Variants in GEMIN5 observed in about 807,000 individuals in gnomAD.
GEMIN5 encodes gem-associated protein 5.
In GEMIN5, 124 loss-of-function variants were observed where a neutral mutation model predicts 176.9. The observed-to-expected ratio is 0.70, with a 90% CI of 0.61 to 0.81. GEMIN5 has a LOEUF of 0.81. Among genes scored for constraint, GEMIN5 ranks in the 40% least tolerant of loss-of-function variants. GEMIN5 has a pLI of 0.00. For missense variants in GEMIN5, 1,843 were observed against 1,814.6 expected, an observed-to-expected ratio of 1.02 and a Z score of -0.28; for synonymous variants, 673 against 665.2, an observed-to-expected ratio of 1.01 and a Z score of -0.18.
intron 27 of GEMIN5, among the ~76,000 whole-genome samples, chr5:154,888,582 C>T (rs774680440): frequency 7.2e-5 from 11 of 152,150 alleles, no homozygotes; most frequent in Admixed American, 5.9e-4. Context: ...ATGGCTACTG[C>T]GATGTCCTTC....
chr5:154,889,371 T>G lies in GEMIN5; in HGVS notation c.4309A>C (p.Arg1437=), dbSNP rs760617888. ...ATTCTCTGATTTGCCTCGGTAAGCC[T>G]TTTGGTTAACTCAGGCAGAGAAAGT... is the stretch of plus-strand genomic sequence containing the variant. ...EPLSLPELTK[R]LTEANQRMAK... The change falls in exon 27 of 28, where the codon AGG becomes CGG. Residue 1437 remains arginine, a synonymous_variant. Coordinates refer to ENST00000285873, the MANE Select transcript of GEMIN5 (RefSeq NM_015465.5). 6.2e-7 allele frequency: 1 copy of G among 1,609,610 alleles called. No homozygotes were observed. The highest frequency in any genetic ancestry group is 1.7e-5 in the Admixed American group (1 of 59,994).
intron 3 of GEMIN5, among the ~76,000 whole-genome samples, chr5:154,932,813 C>T (rs1010148433): frequency 1.3e-5 from 2 of 152,304 alleles, no homozygotes; most frequent in South Asian, 2.1e-4. Context: ...AATCTACCTG[C>T]GTTGGCCTCC....
At chr5:154,924,440 C>G in intron 9 of GEMIN5, 29 bp downstream of exon 9, 1 of 1,447,822 alleles carries the variant, frequency 6.9e-7, no homozygotes, top group Non-Finnish European at 9.7e-7. Flanking sequence ...CCCCGGGCCA[C>G]AATGGAAGAA....
At chr5:154,918,871 C>T (rs1763863985) in intron 11 of GEMIN5, among the ~76,000 whole-genome samples, 1 of 151,936 alleles carries the variant, frequency 6.6e-6, no homozygotes, top group Non-Finnish European at 1.5e-5. Context: ...TGGTGAAACC[C>T]TGTCTCTACT....
At chr5:154,925,063 C>G (rs917981602) in intron 8 of GEMIN5, among the ~76,000 whole-genome samples, 2 of 152,076 alleles carry the variant, frequency 1.3e-5, no homozygotes, top group African/African-American at 4.8e-5. Flanking sequence ...AAAAAACCGA[C>G]TGCAGATGTT....
intron 9 of GEMIN5, among the ~76,000 whole-genome samples, chr5:154,923,565 G>A (rs556898728): frequency 6.6e-6 from 1 of 152,202 alleles, no homozygotes; most frequent in Non-Finnish European, 1.5e-5. Flanking sequence ...GTAAACAAAG[G>A]AGTGCAGCCA....
In GEMIN5 at chr5:154,927,467, T is replaced by C. The variant is rs749935126; in HGVS notation, c.998A>G (p.His333Arg). The C allele has an allele frequency of 7.5e-6, 12 of 1,605,908 alleles. No homozygotes were observed. Among genetic ancestry groups the C allele is most frequent in the East Asian group, 2.2e-5 (1 of 44,850 alleles). The change falls in exon 7 of 28, where the codon CAT becomes CGT. Residue 333 changes from histidine (H) to arginine (R), a missense_variant. Transcript: ENST00000285873. Reference protein sequence around the residue: ...LFSASSEGQNHSRIVFNLCPL... With the variant: ...LFSASSEGQNRSRIVFNLCPL... ...ACATAAATTAAACACAATTCTTGAA[T>C]GATTTTGCCCTTCTGATGAGGCACT...
intron 2 of GEMIN5, 72 bp from the exon 3 acceptor site, chr5:154,936,094 C>A: frequency 1.1e-6 from 1 of 938,538 alleles, no homozygotes; most frequent in Non-Finnish European, 1.6e-6. Flanking sequence ...GTATCACAAA[C>A]CAGCATAATG....
intron 5 of GEMIN5, among the ~76,000 whole-genome samples, chr5:154,928,952 G>A (rs566392576): frequency 2.1e-4 from 32 of 151,542 alleles, no homozygotes; most frequent in Non-Finnish European, 4.0e-4. Context: ...GGCCGGGCGC[G>A]GTGGCTCATG....
intron 3 of GEMIN5, among the ~76,000 whole-genome samples, chr5:154,932,861 G>T (rs555787851): frequency 1.3e-5 from 2 of 152,136 alleles, no homozygotes; most frequent in South Asian, 2.1e-4. Flanking sequence ...CACCACACCC[G>T]GCCAACTCTT....
chr5:154,911,476 A>G (rs769975196), intron 15 of GEMIN5, among the ~76,000 whole-genome samples: 2 of 152,138 alleles, frequency 1.3e-5, no homozygotes, highest in African/African-American at 2.4e-5. Flanking sequence ...TCACGCCACT[A>G]CATTCCAGTC....
chr5:154,912,951 C>T lies in GEMIN5; in HGVS notation c.1943G>A (p.Ser648Asn). The change falls in exon 14 of 28, where the codon AGC becomes AAC. Residue 648 changes from serine (S) to asparagine (N), a missense_variant. Transcript: ENST00000285873. ...TACCAGCCTTCCATCATGATGTGGG[C>T]TCCACGCCACACTGGTAATCTTGGC... is the stretch of plus-strand genomic sequence containing the variant. The part of the protein sequence containing the change: ...HTAKITSVAW[S>N]PHHDGRLVSA... 1 of 1,613,832 alleles carries T rather than the reference C, an allele frequency of 6.2e-7. No individual in the cohort carries two copies. Among genetic ancestry groups the T allele is most frequent in the Non-Finnish European group, 8.5e-7 (1 of 1,179,714 alleles).
In GEMIN5 at chr5:154,916,486, AT is replaced by A. The variant is rs894789265; in HGVS notation, c.1855+511del. The stretch of plus-strand genomic sequence containing the variant: ...TGATGAAATTTTAGGGGAAAACTTC[AT>A]TTTTTTTTCTTTCTTTTTTGAGATA... On this transcript the variant is annotated intron_variant, in intron 13 of 27. Transcript: ENST00000285873. Among the ~76,000 whole-genome samples, 7 of 150,988 alleles carry A rather than the reference AT, an allele frequency of 4.6e-5. No individual in the cohort carries two copies. In the East Asian group the frequency reaches 1.2e-3, roughly 25 times the overall value.
rs77128270 is a variant in GEMIN5, at chr5:154,937,594, T to C, written c.166+374A>G. ...AACCCATTCATCTTACAGTAAGGAA[T>C]GCCACACGTTGCAGGATCTTGCTTA... On this transcript the variant is annotated intron_variant, in intron 1 of 27. Transcript: ENST00000285873. 5.0e-3 allele frequency among the ~76,000 whole-genome samples: 764 copies of C among 152,366 alleles called. 3 individuals are homozygous for C. Among genetic ancestry groups the C allele is most frequent in the African/African-American group, 0.017 (718 of 41,590 alleles).
At chr5:154,913,915 G>A (rs1041451837) in intron 13 of GEMIN5, among the ~76,000 whole-genome samples, 10 of 152,150 alleles carry the variant, frequency 6.6e-5, no homozygotes, top group East Asian at 1.9e-4. Flanking sequence ...GTGGGAGGAC[G>A]GCTTGAGTCC....
chr5:154,913,061 C>T (rs1368908076), intron 13 of GEMIN5, 23 bp from the exon 14 acceptor site: 2 of 1,586,104 alleles, frequency 1.3e-6, no homozygotes, highest in Non-Finnish European at 1.7e-6. Flanking sequence ...GGAAAGACAT[C>T]ACTGCTGCTA....
chr5:154,902,813 G>C (rs1461592263), intron 19 of GEMIN5, 137 bp from the exon 20 acceptor site: 6 of 865,030 alleles, frequency 6.9e-6, no homozygotes, highest in Non-Finnish European at 1.1e-5. Flanking sequence ...TCACCTACCA[G>C]AGTGATTACA....
At position 154,899,175 on chromosome 5, in the gene GEMIN5, C is replaced by T. The variant is rs1763415258; in HGVS notation, c.3134+16G>A. On this transcript the variant is annotated intron_variant, in intron 22 of 27. Coordinates refer to ENST00000285873, the MANE Select transcript of GEMIN5 (RefSeq NM_015465.5). Reference sequence around the variant, plus strand: ...CTCTCCTATGTTGGAAGCATCCCTCCACTCCTCAGGCTTACCATTTGGCAG... The same window carrying T: ...CTCTCCTATGTTGGAAGCATCCCTCTACTCCTCAGGCTTACCATTTGGCAG... 1 of 1,601,250 alleles carries T rather than the reference C, an allele frequency of 6.2e-7. No individual in the cohort carries two copies. The highest frequency in any genetic ancestry group is 1.3e-5 in the African/African-American group (1 of 74,374).
intron 3 of GEMIN5, among the ~76,000 whole-genome samples, chr5:154,934,374 C>G (rs1000850399): frequency 2.0e-5 from 3 of 152,082 alleles, no homozygotes; most frequent in Non-Finnish European, 4.4e-5. Context: ...TTAATAGAGA[C>G]GGGGTTTCTC....
Sources: allele counts gnomAD v4.1 joint callset (sites outside exome capture counted in the v4.1 genomes callset), GRCh38; gene constraint gnomAD v4.1.1; transcripts MANE v1.5; gene names NCBI Gene and HGNC (gene_info 2026-07-23, HGNC 2026-07-21).